The following PURA variants were observed in gnomAD, a reference collection of about 807,000 sequenced individuals.
The protein encoded by PURA is purine rich element binding protein A, also known as transcriptional activator protein Pur-alpha.
PURA carries 2 observed loss-of-function variants against 23.1 expected under a neutral mutation model. The observed-to-expected ratio is 0.09, with a 90% CI of 0.04 to 0.27. The LOEUF (loss-of-function observed/expected upper bound fraction) is 0.27. PURA is among the 10% of genes least tolerant of loss of function. PURA has a pLI of 1.00. For missense variants in PURA, 187 were observed against 449.7 expected (o/e 0.42, Z 5.28); for synonymous variants, 254 against 205.9 (o/e 1.23, Z -2.00).
chr5:140,115,213 A>G lies in PURA; in HGVS notation c.*63A>G. ...TACACACACACACACAGCCACACAC[A>G]CAGAAAATATACTGTAAAGAAAGAG... On this transcript the variant is annotated 3_prime_UTR_variant, in exon 1 of 1. Transcript: ENST00000331327. The surrounding 1 kb of genome is among the most constrained non-coding windows in gnomAD (Gnocchi z 4.1). 1.0e-6 allele frequency: 1 copy of G among 1,000,752 alleles called. No individual in the cohort carries two copies. 62.0% of individuals were successfully genotyped at this position (1,000,752 alleles called of 1,614,324 possible). A position where few individuals can be genotyped will look rare whatever the true frequency, so the allele number is the denominator to read the frequency against.
At position 140,117,807 on chromosome 5, in the gene PURA, G is replaced by C. The variant is rs948142005; in HGVS notation, c.*2657G>C. ...CAATCTAACTACGATTTTGAAACCAGTGTCTGATTTATGGTCAGTGGGTTT... is the reference window on the plus strand; with the variant it reads ...CAATCTAACTACGATTTTGAAACCACTGTCTGATTTATGGTCAGTGGGTTT... On this transcript the variant is annotated 3_prime_UTR_variant, in exon 1 of 1. Coordinates refer to ENST00000331327, the MANE Select transcript of PURA (RefSeq NM_005859.5). 4.8e-5 allele frequency: 8 copies of C among 165,772 alleles called. No homozygotes were observed. Among genetic ancestry groups the C allele is most frequent in the Admixed American group, 6.5e-5 (1 of 15,282 alleles). The allele number at this position is 165,772 out of a possible 1,614,324, so 10.3% of individuals were successfully genotyped here.
Position 140,120,917 on chromosome 5 carries a change from C to T in PURA, c.*5767C>T, listed in dbSNP as rs1261477636. 1 of 166,682 alleles carries T rather than the reference C, an allele frequency of 6.0e-6. No homozygotes were observed. The highest frequency in any genetic ancestry group is 2.4e-5 in the African/African-American group (1 of 41,378). The allele number at this position is 166,682 out of a possible 1,614,324, so 10.3% of individuals were successfully genotyped here. A position where few individuals can be genotyped will look rare whatever the true frequency, so the allele number is the denominator to read the frequency against. On this transcript the variant is annotated 3_prime_UTR_variant, in exon 1 of 1. Transcript: ENST00000331327. The stretch of plus-strand genomic sequence containing the variant: ...TTTTGTGTTTTTCCTTCCTGATGTC[C>T]TTTGCTTTTGTGGAAGATTGTCCTG...
At position 140,122,813 on chromosome 5, in the gene PURA, T is replaced by C. The variant is rs367985707; in HGVS notation, c.*7663T>C. The C allele has an allele frequency of 6.6e-5, 11 of 167,000 alleles. No individual in the cohort carries two copies. The highest frequency in any genetic ancestry group is 2.6e-4 in the African/African-American group (11 of 41,570). The allele number at this position is 167,000 out of a possible 1,614,324, so 10.3% of individuals were successfully genotyped here. A position where few individuals can be genotyped will look rare whatever the true frequency, so the allele number is the denominator to read the frequency against. On this transcript the variant is annotated 3_prime_UTR_variant, in exon 1 of 1. Transcript: ENST00000331327. Reference sequence around the variant, plus strand: ...TAAGATAAATAATTACTGTAATGTTTGTTTTTAAGTTACATAATTCAAGTA... The same window carrying C: ...TAAGATAAATAATTACTGTAATGTTCGTTTTTAAGTTACATAATTCAAGTA...
In PURA at chr5:140,114,505, G is replaced by A; in HGVS notation, c.324G>A (p.Val108=). ...TTACTCTCTCCATGTCAGTGGCCGT[G>A]GAGTTCCGCGACTACCTGGGCGACT... ...SRLTLSMSVA[V]EFRDYLGDFI... The change falls in exon 1 of 1, where the codon GTG becomes GTA. Residue 108 remains valine, a synonymous_variant. Coordinates refer to ENST00000331327, the MANE Select transcript of PURA (RefSeq NM_005859.5). The A allele has an allele frequency of 6.2e-7, 1 of 1,610,880 alleles. No homozygotes were observed. The highest frequency in any genetic ancestry group is 1.3e-5 in the African/African-American group (1 of 75,018).
Position 140,114,129 on chromosome 5 carries a change from A to G in PURA, c.-53A>G. ...AAAGCAGCGGCGGCTGAGGCGACTG[A>G]GGCGGCGGGCGGAGCGGCAGGCGGC... On this transcript the variant is annotated 5_prime_UTR_variant, in exon 1 of 1. Coordinates refer to ENST00000331327, the MANE Select transcript of PURA (RefSeq NM_005859.5). The G allele has an allele frequency of 2.5e-6, 1 of 394,914 alleles. No homozygotes were observed. The highest frequency in any genetic ancestry group is 4.0e-6 in the Non-Finnish European group (1 of 252,646). The allele number at this position is 394,914 out of a possible 1,614,324, so 24.5% of individuals were successfully genotyped here.
In PURA at chr5:140,123,090, A is replaced by G. The variant is rs2126753019; in HGVS notation, c.*7940A>G. 1 of 167,054 alleles carries G rather than the reference A, an allele frequency of 6.0e-6. No homozygotes were observed. The highest frequency in any genetic ancestry group is 6.5e-5 in the Admixed American group (1 of 15,284). 10.3% of individuals were successfully genotyped at this position (167,054 alleles called of 1,614,324 possible). A position where few individuals can be genotyped will look rare whatever the true frequency, so the allele number is the denominator to read the frequency against. On this transcript the variant is annotated 3_prime_UTR_variant, in exon 1 of 1. Transcript: ENST00000331327. The stretch of plus-strand genomic sequence containing the variant: ...TTTTGTAGAGTTGGCACTTTAGTAT[A>G]ATTTTCACATTTTATTGTGTCAGAT...
chr5:140,118,975 A>T lies in PURA; in HGVS notation c.*3825A>T, dbSNP rs529778981. On this transcript the variant is annotated 3_prime_UTR_variant, in exon 1 of 1. Coordinates refer to ENST00000331327, the MANE Select transcript of PURA (RefSeq NM_005859.5). ...TTGAAAAGTAGCACTGTAATAGCCT[A>T]TGATAATTAGTTGTAGAATAACCTT... 6.0e-6 allele frequency: 1 copy of T among 166,994 alleles called. No individual in the cohort carries two copies. The highest frequency in any genetic ancestry group is 6.5e-5 in the Admixed American group (1 of 15,280). 10.3% of individuals were successfully genotyped at this position (166,994 alleles called of 1,614,324 possible).
chr5:140,115,187 A>G lies in PURA; in HGVS notation c.*37A>G. 2 of 1,166,292 alleles carry G rather than the reference A, an allele frequency of 1.7e-6. No homozygotes were observed. Among genetic ancestry groups the G allele is most frequent in the Non-Finnish European group, 2.4e-6 (2 of 832,618 alleles). 72.2% of individuals were successfully genotyped at this position (1,166,292 alleles called of 1,614,324 possible). ...GAAACCCCCACACACACACACATGC[A>G]TACACACACACACACAGCCACACAC... On this transcript the variant is annotated 3_prime_UTR_variant, in exon 1 of 1. Coordinates refer to ENST00000331327, the MANE Select transcript of PURA (RefSeq NM_005859.5). This position sits in a 1 kb window ranked among gnomAD's most constrained non-coding sequence, Gnocchi z 4.1.
Position 140,114,812 on chromosome 5 carries a change from G to A in PURA, c.631G>A (p.Val211Met). ...GGCCAAGCTCATCGACGACTACGGA[G>A]TGGAGGAGGAGCCGGCCGAGCTGCC... ...ALAKLIDDYGVEEEPAELPEG... is the reference protein window; with the variant it reads ...ALAKLIDDYGMEEEPAELPEG... The change falls in exon 1 of 1, where the codon GTG becomes ATG. Residue 211 changes from valine (V) to methionine (M), a missense_variant. Physicochemically the swap from Val to Met is conservative, Grantham distance 21. Around this residue, in one of 9 missense-constraint regions of PURA, gnomAD observed 65 missense variants for 158.6 expected, o/e 0.41. Transcript: ENST00000331327. 4 of 1,614,114 alleles carry A rather than the reference G, an allele frequency of 2.5e-6. No individual in the cohort carries two copies. Among genetic ancestry groups the A allele is most frequent in the Non-Finnish European group, 3.4e-6 (4 of 1,179,980 alleles).
In PURA at chr5:140,114,325, CGGG is replaced by C. The variant is rs1554129035; in HGVS notation, c.146_148del (p.Gly49del). 1.1e-5 allele frequency: 15 copies of C among 1,340,282 alleles called. No homozygotes were observed. Among genetic ancestry groups the C allele is most frequent in the Non-Finnish European group, 1.4e-5 (15 of 1,052,248 alleles). The allele number at this position is 1,340,282 out of a possible 1,614,324, so 83.0% of individuals were successfully genotyped here. On this transcript the variant is annotated inframe_deletion, in exon 1 of 1. Transcript: ENST00000331327. Reference sequence around the variant, plus strand: ...GCGGCGGCAGTGGCGGCGGCGGCGGCGGGGCCCCAGGGGGGCTGCAGCACGAGA... The same window carrying C: ...GCGGCGGCAGTGGCGGCGGCGGCGGCGCCCCAGGGGGGCTGCAGCACGAGA...
In PURA at chr5:140,120,703, A is replaced by G. The variant is rs1763143229; in HGVS notation, c.*5553A>G. The G allele has an allele frequency of 6.0e-6, 1 of 166,648 alleles. No homozygotes were observed. Among genetic ancestry groups the G allele is most frequent in the Admixed American group, 6.6e-5 (1 of 15,262 alleles). 10.3% of individuals were successfully genotyped at this position (166,648 alleles called of 1,614,324 possible). On this transcript the variant is annotated 3_prime_UTR_variant, in exon 1 of 1. Coordinates refer to ENST00000331327, the MANE Select transcript of PURA (RefSeq NM_005859.5). Reference sequence around the variant, plus strand: ...AAAGAACAACCAGATGAAATAAGAAATAATGATTGGTTTCAAGCCAATGAA... The same window carrying G: ...AAAGAACAACCAGATGAAATAAGAAGTAATGATTGGTTTCAAGCCAATGAA...
chr5:140,120,204 G>A lies in PURA; in HGVS notation c.*5054G>A, dbSNP rs1263224600. The A allele has an allele frequency of 6.0e-6, 1 of 166,596 alleles. No homozygotes were observed. Among genetic ancestry groups the A allele is most frequent in the Non-Finnish European group, 1.5e-5 (1 of 67,882 alleles). 10.3% of individuals were successfully genotyped at this position (166,596 alleles called of 1,614,324 possible). ...ATATCTTCATAATTTGGAGAGAGAT[G>A]TATACACACACATACACATATATAT... is the stretch of plus-strand genomic sequence containing the variant. On this transcript the variant is annotated 3_prime_UTR_variant, in exon 1 of 1. Coordinates refer to ENST00000331327, the MANE Select transcript of PURA (RefSeq NM_005859.5).
In PURA at chr5:140,114,274, C is replaced by CGGGGGCGGT; in HGVS notation, c.96_104dup (p.Gly40_Gly42dup). ...ACCCCGGCTCGGGCTCAGGCTCCGG[C>CGGGGGCGGT]GGGGGCGGTGGTGGCGGCGGGGGCG... On this transcript the variant is annotated inframe_insertion, in exon 1 of 1. Transcript: ENST00000331327. The CGGGGGCGGT allele has an allele frequency of 8.3e-7, 1 of 1,201,340 alleles. No homozygotes were observed. The highest frequency in any genetic ancestry group is 1.0e-6 in the Non-Finnish European group (1 of 980,302). The allele number at this position is 1,201,340 out of a possible 1,614,324, so 74.4% of individuals were successfully genotyped here.
rs188262528 is a variant in PURA at position 140,123,992 on chromosome 5, A to C, written c.*8842A>C. The C allele has an allele frequency of 2.1e-4, 35 of 167,064 alleles. No individual in the cohort carries two copies. The highest frequency in any genetic ancestry group is 8.4e-4 in the African/African-American group (35 of 41,522). The allele number at this position is 167,064 out of a possible 1,614,324, so 10.3% of individuals were successfully genotyped here. A position where few individuals can be genotyped will look rare whatever the true frequency, so the allele number is the denominator to read the frequency against. ...TATTCCTTTTTGGAATTCAGGGTTG[A>C]ATCACTTTGAGGGGGAAGGGAAGCA... On this transcript the variant is annotated 3_prime_UTR_variant, in exon 1 of 1. Coordinates refer to ENST00000331327, the MANE Select transcript of PURA (RefSeq NM_005859.5).
chr5:140,122,261 A>G lies in PURA; in HGVS notation c.*7111A>G, dbSNP rs1262357703. On this transcript the variant is annotated 3_prime_UTR_variant, in exon 1 of 1. Transcript: ENST00000331327. ...AGAAAATTTCAAGCTTTTCACCATT[A>G]TTCTTTTTAAACTATCAGAAATATT... The G allele has an allele frequency of 1.8e-5, 3 of 166,400 alleles. No homozygotes were observed. The highest frequency in any genetic ancestry group is 4.4e-5 in the Non-Finnish European group (3 of 67,984). 10.3% of individuals were successfully genotyped at this position (166,400 alleles called of 1,614,324 possible). A position where few individuals can be genotyped will look rare whatever the true frequency, so the allele number is the denominator to read the frequency against.
In PURA at chr5:140,118,997, C is replaced by A. The variant is rs1291725076; in HGVS notation, c.*3847C>A. On this transcript the variant is annotated 3_prime_UTR_variant, in exon 1 of 1. Transcript: ENST00000331327. The stretch of plus-strand genomic sequence containing the variant: ...CCTATGATAATTAGTTGTAGAATAA[C>A]CTTTATCCCTTTCAAACTATGCAAA... The A allele has an allele frequency of 6.0e-6, 1 of 166,876 alleles. No individual in the cohort carries two copies. Among genetic ancestry groups the A allele is most frequent in the African/African-American group, 2.4e-5 (1 of 41,412 alleles). 10.3% of individuals were successfully genotyped at this position (166,876 alleles called of 1,614,324 possible).
Position 140,122,091 on chromosome 5 carries a change from A to G in PURA, c.*6941A>G, listed in dbSNP as rs759479306. 10 of 166,876 alleles carry G rather than the reference A, an allele frequency of 6.0e-5. No homozygotes were observed. Among genetic ancestry groups the G allele is most frequent in the Non-Finnish European group, 1.2e-4 (8 of 67,992 alleles). 10.3% of individuals were successfully genotyped at this position (166,876 alleles called of 1,614,324 possible). On this transcript the variant is annotated 3_prime_UTR_variant, in exon 1 of 1. Transcript: ENST00000331327. ...GAGAAAGCTGTTAGTTACTATAGCT[A>G]GAGTTATGATAATGATCATGCATTA...
At position 140,122,594 on chromosome 5, in the gene PURA, A is replaced by T. The variant is rs1763164986; in HGVS notation, c.*7444A>T. The T allele has an allele frequency of 6.0e-6, 1 of 166,868 alleles. No homozygotes were observed. Among genetic ancestry groups the T allele is most frequent in the South Asian group, 2.1e-4 (1 of 4,830 alleles). The allele number at this position is 166,868 out of a possible 1,614,324, so 10.3% of individuals were successfully genotyped here. On this transcript the variant is annotated 3_prime_UTR_variant, in exon 1 of 1. Transcript: ENST00000331327. ...TACTGTATTTCTAAAATTAGACAAC[A>T]TACCCCCCAAACTCATGTTTCTGTT...
At position 140,119,920 on chromosome 5, in the gene PURA, A is replaced by G. The variant is rs1358191233; in HGVS notation, c.*4770A>G. On this transcript the variant is annotated 3_prime_UTR_variant, in exon 1 of 1. Transcript: ENST00000331327. ...TTTAGAATGGGGCTATCTGAAATTGATGGTCTAGTAGCTTTCATAGCTCCA... is the reference window on the plus strand; with the variant it reads ...TTTAGAATGGGGCTATCTGAAATTGGTGGTCTAGTAGCTTTCATAGCTCCA... The G allele has an allele frequency of 6.0e-6, 1 of 166,520 alleles. No individual in the cohort carries two copies. Among genetic ancestry groups the G allele is most frequent in the African/African-American group, 2.4e-5 (1 of 41,414 alleles). The allele number at this position is 166,520 out of a possible 1,614,324, so 10.3% of individuals were successfully genotyped here. A position where few individuals can be genotyped will look rare whatever the true frequency, so the allele number is the denominator to read the frequency against.
Sources: gnomAD v4.1 joint callset for allele counts on GRCh38, gnomAD v4.1.1 for gene constraint, gnomAD v4.1.1 regional missense constraint, Gnocchi (gnomAD v3.1) non-coding constraint, MANE v1.5 for transcripts, NCBI Gene and HGNC (gene_info 2026-07-23, HGNC 2026-07-21) for gene names.